The following SPOCK3 variants were observed in gnomAD, a reference collection of about 807,000 sequenced individuals.
SPOCK3 encodes the protein testican-3.
A neutral mutation model predicts 56.6 loss-of-function variants in SPOCK3; 30 were observed. That is an observed-to-expected ratio of 0.53 (90% CI 0.40 to 0.72). SPOCK3 has a LOEUF of 0.72. Among genes scored for constraint, SPOCK3 ranks in the 30% least tolerant of loss-of-function variants. SPOCK3 has a pLI of 0.00. For synonymous variants in SPOCK3, 196 were observed against 183.3 expected, an observed-to-expected ratio of 1.07 and a Z score of -0.56; for missense variants, 527 against 530.0, an observed-to-expected ratio of 0.99 and a Z score of 0.06.
intron 2 of SPOCK3, among the ~76,000 whole-genome samples, chr4:167,112,508 G>C (rs1760986506): frequency 2.6e-5 from 4 of 152,066 alleles, no homozygotes; most frequent in African/African-American, 9.7e-5. Flanking sequence ...CAGGACTCTT[G>C]CAGGAAAACA....
chr4:167,232,669 TA>T (rs773824893), intron 2 of SPOCK3, among the ~76,000 whole-genome samples: 113 of 152,360 alleles, frequency 7.4e-4, no homozygotes, highest in South Asian at 1.7e-3. Flanking sequence ...GGTATGCTTT[TA>T]TAAGGGCATT....
intron 4 of SPOCK3, among the ~76,000 whole-genome samples, chr4:166,949,496 G>A (rs1284222794): frequency 6.6e-6 from 1 of 152,090 alleles, no homozygotes; most frequent in Non-Finnish European, 1.5e-5. Context: ...CTTTGATGAT[G>A]GTGATGTACA....
At chr4:167,082,000 T>C (rs1757748719) in intron 2 of SPOCK3, among the ~76,000 whole-genome samples, 1 of 152,036 alleles carries the variant, frequency 6.6e-6, no homozygotes, top group African/African-American at 2.4e-5. Flanking sequence ...AACACATGCA[T>C]CCTCACACTC....
intron 2 of SPOCK3, among the ~76,000 whole-genome samples, chr4:167,145,035 G>A (rs1476715359): frequency 3.9e-5 from 6 of 151,936 alleles, no homozygotes; most frequent in African/African-American, 1.4e-4. Flanking sequence ...CAAATTGGGA[G>A]ATATTAAATT....
chr4:167,167,095 C>T (rs1471148020), intron 2 of SPOCK3, among the ~76,000 whole-genome samples: 1 of 151,838 alleles, frequency 6.6e-6, no homozygotes, highest in African/African-American at 2.4e-5. Context: ...TGTAACTTTC[C>T]TGTCTTTCCC....
rs184922066 is a variant in SPOCK3 at position 166,800,961 on chromosome 4, T to C, written c.590-8672A>G. Reference sequence around the variant, plus strand: ...GTATCATTTTTAATCTTTTATACCATATTTTGACTGTACCTTTTCTATGTT... The same window carrying C: ...GTATCATTTTTAATCTTTTATACCACATTTTGACTGTACCTTTTCTATGTT... On this transcript the variant is annotated intron_variant, in intron 6 of 10. Transcript: ENST00000357545. Among the ~76,000 whole-genome samples, 376 of 152,292 alleles carry C rather than the reference T, an allele frequency of 2.5e-3. 9 individuals carry two copies. The highest frequency in any genetic ancestry group is 0.023 in the Admixed American group (348 of 15,302).
intron 3 of SPOCK3, among the ~76,000 whole-genome samples, chr4:167,056,684 C>A (rs1249482081): frequency 6.6e-6 from 1 of 151,964 alleles, no homozygotes; most frequent in Admixed American, 6.6e-5. Flanking sequence ...GAAAGGGTAT[C>A]AGTGATGGAA....
intron 6 of SPOCK3, among the ~76,000 whole-genome samples, chr4:166,862,604 CTT>C (rs1421213796): frequency 3.3e-5 from 5 of 152,018 alleles, no homozygotes; most frequent in African/African-American, 1.2e-4. Flanking sequence ...GGGAAAATGA[CTT>C]AATCTTCCTG....
At position 166,926,667 on chromosome 4, in the gene SPOCK3, A is replaced by G. The variant is rs567212952; in HGVS notation, c.351-13924T>C. Among the ~76,000 whole-genome samples the G allele has an allele frequency of 2.4e-4, 36 of 152,224 alleles. 1 individual carries two copies. The highest frequency in any genetic ancestry group is 4.4e-4 in the Non-Finnish European group (30 of 68,006). On this transcript the variant is annotated intron_variant, in intron 4 of 10. Transcript: ENST00000357545. ...ATGCTTTAACTTTTACCTCTTCCCT[A>G]TGACACCTGACCTCCTTTTCCTCTA...
At chr4:166,945,923 C>A (rs1437037138) in intron 4 of SPOCK3, among the ~76,000 whole-genome samples, 1 of 152,206 alleles carries the variant, frequency 6.6e-6, no homozygotes, top group African/African-American at 2.4e-5. Flanking sequence ...TTAAAGCCTT[C>A]AGGGATTAAT....
intron 2 of SPOCK3, among the ~76,000 whole-genome samples, chr4:167,086,672 C>T (rs1177413726): frequency 6.6e-6 from 1 of 152,106 alleles, no homozygotes; most frequent in Admixed American, 6.6e-5. Context: ...GGTCATTAAA[C>T]TGTCATTGTA....
intron 6 of SPOCK3, among the ~76,000 whole-genome samples, chr4:166,810,979 G>T (rs1743705208): frequency 6.6e-6 from 1 of 151,742 alleles, no homozygotes; most frequent in South Asian, 2.1e-4. Flanking sequence ...GTTAATTTAA[G>T]TAAGATTTTT....
chr4:166,792,594 C>CT (rs1268989496), intron 6 of SPOCK3, among the ~76,000 whole-genome samples: 1 of 151,902 alleles, frequency 6.6e-6, no homozygotes, highest in African/African-American at 2.4e-5. Flanking sequence ...GTCATAAATA[C>CT]TTTTTTATGC....
At chr4:166,865,630 C>T (rs542707989) in intron 6 of SPOCK3, among the ~76,000 whole-genome samples, 1 of 152,178 alleles carries the variant, frequency 6.6e-6, no homozygotes, top group South Asian at 2.1e-4. Flanking sequence ...TTCCTATACA[C>T]CAATAACAGA....
chr4:167,198,259 T>C (rs1181233390), intron 2 of SPOCK3, among the ~76,000 whole-genome samples: 1 of 152,110 alleles, frequency 6.6e-6, no homozygotes, highest in African/African-American at 2.4e-5. Context: ...CAAAAAAAAT[T>C]AAAGTCTTTC....
intron 5 of SPOCK3, among the ~76,000 whole-genome samples, chr4:166,894,220 TC>T (rs1264556433): frequency 2.0e-5 from 3 of 152,146 alleles, no homozygotes; most frequent in Non-Finnish European, 2.9e-5. Flanking sequence ...TCGAAAAACT[TC>T]TTTTTATATC....
At chr4:166,982,685 TTTA>T (rs1561083041) in intron 4 of SPOCK3, among the ~76,000 whole-genome samples, 1 of 152,252 alleles carries the variant, frequency 6.6e-6, no homozygotes, top group East Asian at 1.9e-4. Context: ...TTTGGATTTT[TTTA>T]TTATGTTTAT....
intron 2 of SPOCK3, among the ~76,000 whole-genome samples, chr4:167,081,406 G>A (rs937223894): frequency 1.2e-4 from 18 of 152,054 alleles, no homozygotes; most frequent in African/African-American, 4.1e-4. Context: ...AGGAAAAAAA[G>A]TCAGTGGCTC....
rs1752915332 is a variant in SPOCK3 at position 167,038,013 on chromosome 4, A to C, written c.235+24479T>G. Among the ~76,000 whole-genome samples the C allele has an allele frequency of 2.0e-5, 3 of 152,150 alleles. 1 individual carries two copies. The South Asian group carries it at 6.2e-4, about 32-fold the overall frequency. ...AATTCTATACACTATCAACATGCGC[A>C]ATTTTCAGGAGAAGGACAATTATCT... On this transcript the variant is annotated intron_variant, in intron 3 of 10. Transcript: ENST00000357545.
Sources: gnomAD v4.1 joint callset for allele counts (sites outside exome capture counted in the v4.1 genomes callset) on GRCh38, gnomAD v4.1.1 for gene constraint, MANE v1.5 for transcripts, NCBI Gene and HGNC (gene_info 2026-07-23, HGNC 2026-07-21) for gene names.